Variants in DIDO1 observed in about 807,000 individuals in gnomAD.
DIDO1 encodes the protein death-inducer obliterator 1.
DIDO1 carries 16 observed loss-of-function variants against 99.4 expected under a neutral mutation model. That is an observed-to-expected ratio of 0.16 (90% CI 0.11 to 0.24). The LOEUF (loss-of-function observed/expected upper bound fraction) is 0.24, where lower values mean the gene tolerates loss of function less well. DIDO1 is among the 10% of genes least tolerant of loss of function. DIDO1 has a pLI of 1.00. For synonymous variants in DIDO1, 1,366 were observed against 1,239.1 expected (o/e 1.10, Z -2.15); for missense variants, 2,996 against 3,014.0 (o/e 0.99, Z 0.14).
intron 8 of DIDO1, among the ~76,000 whole-genome samples, chr20:62,895,725 G>A (rs1388813724): frequency 6.6e-6 from 1 of 152,178 alleles, no homozygotes; most frequent in Non-Finnish European, 1.5e-5. Flanking sequence ...TCGTCGCATG[G>A]CCCATGCTGC....
intron 1 of DIDO1, among the ~76,000 whole-genome samples, chr20:62,915,382 G>A (rs988272148): frequency 1.1e-4 from 16 of 150,890 alleles, no homozygotes; most frequent in African/African-American, 3.6e-4. Flanking sequence ...CTTCAATGTG[G>A]TAAAACTATC....
At chr20:62,882,492 C>T (rs1053002146) in intron 15 of DIDO1, 78 bp from the exon 16 acceptor site, 9 of 1,355,778 alleles carry the variant, frequency 6.6e-6, no homozygotes, top group Admixed American at 4.4e-5. Flanking sequence ...TCATTAAGGG[C>T]TTTCACGGGG....
chr20:62,892,183 G>A, intron 13 of DIDO1, 107 bp from the exon 14 acceptor site: 1 of 904,892 alleles, frequency 1.1e-6, no homozygotes, highest in South Asian at 1.8e-5. Context: ...GAAGACTACA[G>A]CTATTCCAAG....
At chr20:62,922,257 T>C (rs1033399144) in intron 1 of DIDO1, among the ~76,000 whole-genome samples, 20 of 148,782 alleles carry the variant, frequency 1.3e-4, no homozygotes, top group African/African-American at 3.5e-4. Context: ...CACACACACA[T>C]ATATATACAC....
intron 1 of DIDO1, among the ~76,000 whole-genome samples, chr20:62,917,578 C>G (rs781716073): frequency 6.6e-6 from 1 of 152,146 alleles, no homozygotes; most frequent in Non-Finnish European, 1.5e-5. Flanking sequence ...TTTCCGAGAC[C>G]ACTCGGCTCC....
chr20:62,897,198 C>G (rs753184325), intron 6 of DIDO1, among the ~76,000 whole-genome samples: 9 of 152,184 alleles, frequency 5.9e-5, no homozygotes, highest in Non-Finnish European at 1.2e-4. Flanking sequence ...ATGACGGTGA[C>G]TACATTTTAT....
At chr20:62,904,815 T>G (rs2064764991) in intron 6 of DIDO1, among the ~76,000 whole-genome samples, 1 of 125,522 alleles carries the variant, frequency 8.0e-6, no homozygotes, top group African/African-American at 2.7e-5. Flanking sequence ...AAAGTGTCTT[T>G]TTTGTAAGGC....
chr20:62,921,906 CAATATATATACACTATATATGTCCAA>C (rs1380461423), intron 1 of DIDO1, among the ~76,000 whole-genome samples: 59 of 149,102 alleles, frequency 4.0e-4, no homozygotes, highest in African/African-American at 4.8e-4. Context: ...TATATATCCA[CAATATATATACACTATATATGTCCAA>C]AATATATATA....
chr20:62,896,436 T>C lies in DIDO1; in HGVS notation c.2055-44A>G, dbSNP rs758472943. 3 of 1,592,172 alleles carry C rather than the reference T, an allele frequency of 1.9e-6. No individual in the cohort carries two copies. The highest frequency in any genetic ancestry group is 2.6e-6 in the Non-Finnish European group (3 of 1,173,030). On this transcript the variant is annotated intron_variant, in intron 7 of 15. Transcript: ENST00000395343. This position sits in a 1 kb window ranked among gnomAD's most constrained non-coding sequence, Gnocchi z 4.4. ...AGGAACTACATAAGACACTTGTGTA[T>C]ATTAAACTTTTTGAACAGTGAGGCA...
rs138139875 is a variant in DIDO1, at chr20:62,911,360, C to T, written c.253G>A (p.Gly85Ser). 8 of 1,610,088 alleles carry T rather than the reference C, an allele frequency of 5.0e-6. No individual in the cohort carries two copies. The Admixed American group carries it at 5.0e-5, about 10-fold the overall frequency. The change falls in exon 3 of 16, where the codon GGC (glycine) becomes AGC (serine). Residue 85 changes from glycine to serine, a missense_variant. By Grantham distance (56) the Gly-to-Ser change is moderately conservative (BLOSUM62 0). Around this residue, in one of 5 missense-constraint regions of DIDO1, gnomAD observed 388 missense variants for 376.6 expected, o/e 1.03. Coordinates refer to ENST00000395343, the MANE Select transcript of DIDO1 (RefSeq NM_001193369.2). This position sits in a 1 kb window ranked among gnomAD's most constrained non-coding sequence, Gnocchi z 7.0. Reference protein sequence around the residue: ...EQFLTIARRRGRRSMPVSLED... With the variant: ...EQFLTIARRRSRRSMPVSLED... ...AGGGAGACAGGCATGCTCCTCCTGC[C>T]GCGGCGCCGCGCAATGGTCAGGAAC...
chr20:62,920,142 T>C (rs1041596939), intron 1 of DIDO1, among the ~76,000 whole-genome samples: 2 of 152,172 alleles, frequency 1.3e-5, no homozygotes, highest in South Asian at 4.1e-4. Flanking sequence ...CTTATCCCCA[T>C]GAAGAAATCC....
intron 6 of DIDO1, among the ~76,000 whole-genome samples, chr20:62,901,980 G>C: frequency 6.6e-6 from 1 of 151,762 alleles, no homozygotes; most frequent in Non-Finnish European, 1.5e-5. Flanking sequence ...TTCATCTTTA[G>C]ACTATGAGTA....
Position 62,906,237 on chromosome 20 carries a change from T to C in DIDO1, c.1375-137A>G, listed in dbSNP as rs1219615969. The C allele has an allele frequency of 1.2e-5, 14 of 1,163,156 alleles. No homozygotes were observed. In the East Asian group the frequency reaches 3.2e-4, roughly 26 times the overall value. 72.1% of individuals were successfully genotyped at this position (1,163,156 alleles called of 1,614,324 possible). Reference sequence around the variant, plus strand: ...GACCCTGCACCCATCCTGCGCCTGCTTGGCAGCAGTTCAACACACTTGCGT... The same window carrying C: ...GACCCTGCACCCATCCTGCGCCTGCCTGGCAGCAGTTCAACACACTTGCGT... On this transcript the variant is annotated intron_variant, in intron 5 of 15. Transcript: ENST00000395343.
At chr20:62,920,329 C>G (rs930109713) in intron 1 of DIDO1, among the ~76,000 whole-genome samples, 3 of 152,192 alleles carry the variant, frequency 2.0e-5, no homozygotes, top group Non-Finnish European at 4.4e-5. Context: ...CCTTAGAGAC[C>G]TGCATAATTC....
intron 15 of DIDO1, chr20:62,890,034 G>A (rs971667038): frequency 6.1e-6 from 6 of 985,300 alleles, no homozygotes; most frequent in East Asian, 1.1e-4. Flanking sequence ...GCTAGGGTGC[G>A]GCATGAGGGG....
chr20:62,882,309 G>C lies in DIDO1; in HGVS notation c.3647C>G (p.Thr1216Ser), dbSNP rs143385924. 1.1e-5 allele frequency: 17 copies of C among 1,614,028 alleles called. No individual in the cohort carries two copies. In the African/African-American group the frequency reaches 2.1e-4, roughly 20 times the overall value. Residue 1216 changes from threonine (T) to serine (S), a missense_variant, in exon 16 of 16, where the codon ACC (threonine) becomes AGC (serine). Thr to Ser is a moderately conservative substitution (Grantham distance 58). Coordinates refer to ENST00000395343, the MANE Select transcript of DIDO1 (RefSeq NM_001193369.2). ...GELDKMDEKR[T>S]RLQPEEADVP... is the part of the protein sequence containing the mutation. ...GTCCGCTTCTTCCGGTTGAAGTCGG[G>C]TCCGCTTTTCGTCCATCTTGTCTAA...
In DIDO1 at chr20:62,881,896, C is replaced by T. The variant is rs547360425; in HGVS notation, c.4060G>A (p.Val1354Met). ...QEPKTTAEDG[V>M]PAPPLLDPIV... The stretch of plus-strand genomic sequence containing the variant: ...GGATCTAACAACGGAGGTGCCGGCA[C>T]CCCGTCCTCTGCTGTGGTTTTGGGC... Residue 1354 changes from valine (V) to methionine (M), a missense_variant, in exon 16 of 16, where the codon GTG (valine) becomes ATG (methionine). By Grantham distance (21) the Val-to-Met change is conservative. This residue lies in a region of DIDO1 where 1,562 missense variants were observed against 1,412.6 expected (regional missense o/e 1.11). Coordinates refer to ENST00000395343, the MANE Select transcript of DIDO1 (RefSeq NM_001193369.2). This position sits in a 1 kb window ranked among gnomAD's most constrained non-coding sequence, Gnocchi z 8.3. 2 of 1,613,492 alleles carry T rather than the reference C, an allele frequency of 1.2e-6. No homozygotes were observed. Among genetic ancestry groups the T allele is most frequent in the African/African-American group, 2.7e-5 (2 of 75,042 alleles).
chr20:62,918,847 A>G (rs2147545624), intron 1 of DIDO1, among the ~76,000 whole-genome samples: 1 of 152,344 alleles, frequency 6.6e-6, no homozygotes, highest in Admixed American at 6.5e-5. Context: ...ATGAGGAGCA[A>G]CTGAGAAGAC....
At chr20:62,882,462 T>C in intron 15 of DIDO1, 48 bp from the exon 16 acceptor site, 1 of 1,554,672 alleles carries the variant, frequency 6.4e-7, no homozygotes, top group Non-Finnish European at 8.7e-7. Context: ...AATCCAGCTT[T>C]TACCCTTTAG....
Sources: gnomAD v4.1 joint callset for allele counts (sites outside exome capture counted in the v4.1 genomes callset) on GRCh38, gnomAD v4.1.1 for gene constraint, gnomAD v4.1.1 regional missense constraint, Gnocchi (gnomAD v3.1) non-coding constraint, MANE v1.5 for transcripts, NCBI Gene and HGNC (gene_info 2026-07-23, HGNC 2026-07-21) for gene names.